RABGAP1L: variants seen among roughly 807,000 people sequenced by gnomAD.
The protein encoded by RABGAP1L is RAB GTPase activating protein 1 like, also known as rab GTPase-activating protein 1-like.
Under a neutral mutation model 137.7 loss-of-function variants are expected in RABGAP1L, and 63 were observed. The ratio of observed to expected loss-of-function variants is 0.46; its 90% CI spans 0.37 to 0.56. RABGAP1L has a LOEUF of 0.56. Ranked by LOEUF, RABGAP1L falls within the 20% of genes least tolerant of loss-of-function variation. RABGAP1L has a pLI of 0.00. For missense variants in RABGAP1L, 1,095 were observed against 1,244.0 expected, an observed-to-expected ratio of 0.88 and a Z score of 1.80; for synonymous variants, 431 against 433.7, an observed-to-expected ratio of 0.99 and a Z score of 0.08.
chr1:174,530,835 ATACG>A (rs10593203), intron 13 of RABGAP1L, among the ~76,000 whole-genome samples: 48,051 of 125,882 alleles, frequency 0.38, 8,119 homozygotes, highest in East Asian at 0.48. Flanking sequence ...ACATACATAC[ATACG>A]TACGTTTGTG....
intron 13 of RABGAP1L, among the ~76,000 whole-genome samples, chr1:174,493,698 G>A (rs1056142702): frequency 4.0e-5 from 6 of 151,518 alleles, no homozygotes; most frequent in Admixed American, 1.3e-4. Context: ...GTGTGCACCT[G>A]TAGTTTCAGC....
intron 13 of RABGAP1L, among the ~76,000 whole-genome samples, chr1:174,631,925 A>T: frequency 8.8e-6 from 1 of 113,060 alleles, no homozygotes; most frequent in African/African-American, 3.4e-5. Context: ...TGTGAATTTG[A>T]TCCTGTCATT....
intron 19 of RABGAP1L, among the ~76,000 whole-genome samples, chr1:174,937,863 AT>A (rs972303871): frequency 4.8e-5 from 7 of 144,832 alleles, no homozygotes; most frequent in South Asian, 2.3e-4. Context: ...AGCCCAGCTA[AT>A]TTTTTTTTCT....
At chr1:174,639,989 T>C (rs916119791) in intron 14 of RABGAP1L, among the ~76,000 whole-genome samples, 1 of 152,204 alleles carries the variant, frequency 6.6e-6, no homozygotes. Context: ...TGAGATACTT[T>C]ATTATCGAAA....
intron 13 of RABGAP1L, among the ~76,000 whole-genome samples, chr1:174,560,413 A>G (rs1667136032): frequency 6.6e-6 from 1 of 152,220 alleles, no homozygotes; most frequent in African/African-American, 2.4e-5. Context: ...AACTGTGAAT[A>G]GAAAAGAATA....
intron 13 of RABGAP1L, among the ~76,000 whole-genome samples, chr1:174,484,192 G>A (rs1004997303): frequency 9.2e-5 from 14 of 152,112 alleles, no homozygotes; most frequent in Non-Finnish European, 1.3e-4. Context: ...TGTGTCATTC[G>A]TATGTCATCT....
chr1:174,774,586 AAGAGAAAC>A (rs1296012508), intron 18 of RABGAP1L, among the ~76,000 whole-genome samples: 1 of 152,032 alleles, frequency 6.6e-6, no homozygotes, highest in Non-Finnish European at 1.5e-5. Flanking sequence ...GAGTGCATAA[AAGAGAAAC>A]CATAGGCAGG....
At chr1:174,586,028 A>G (rs947200256) in intron 13 of RABGAP1L, among the ~76,000 whole-genome samples, 1 of 152,228 alleles carries the variant, frequency 6.6e-6, no homozygotes, top group Admixed American at 6.5e-5. Context: ...TACTGGATGT[A>G]TACCCAAAGG....
chr1:174,482,180 T>C (rs987673642), intron 13 of RABGAP1L, among the ~76,000 whole-genome samples: 1 of 152,026 alleles, frequency 6.6e-6, no homozygotes, highest in African/African-American at 2.4e-5. Context: ...GAAAGGCAAA[T>C]AAAAGGCAAG....
chr1:174,269,913 C>T (rs1056122280), intron 7 of RABGAP1L, among the ~76,000 whole-genome samples: 13 of 152,134 alleles, frequency 8.5e-5, no homozygotes, highest in Non-Finnish European at 1.5e-4. Context: ...TTGAACTCCC[C>T]AGTGAAACAC....
At chr1:174,284,640 T>A (rs988443391) in intron 10 of RABGAP1L, among the ~76,000 whole-genome samples, 1 of 152,038 alleles carries the variant, frequency 6.6e-6, no homozygotes, top group Non-Finnish European at 1.5e-5. Flanking sequence ...TTTTGAGTAC[T>A]CTTTGTACTG....
chr1:174,417,587 T>C (rs1650750504), intron 13 of RABGAP1L, among the ~76,000 whole-genome samples: 1 of 152,326 alleles, frequency 6.6e-6, no homozygotes, highest in African/African-American at 2.4e-5. Context: ...TGGGTTTTAT[T>C]CAAGTTTTGT....
At chr1:174,317,144 G>C (rs1679450954) in intron 11 of RABGAP1L, among the ~76,000 whole-genome samples, 2 of 151,856 alleles carry the variant, frequency 1.3e-5, no homozygotes, top group Non-Finnish European at 2.9e-5. Context: ...CTTCCCTGTG[G>C]ACATGCTAGA....
intron 7 of RABGAP1L, among the ~76,000 whole-genome samples, chr1:174,270,268 A>G (rs539213931): frequency 1.3e-5 from 2 of 151,932 alleles, no homozygotes; most frequent in Admixed American, 1.3e-4. Flanking sequence ...GAGTATTGCT[A>G]CTTAAGAAAA....
At chr1:174,892,532 A>T in intron 19 of RABGAP1L, 1 of 516,998 alleles carries the variant, frequency 1.9e-6, no homozygotes, top group South Asian at 1.4e-5. Context: ...TCCAAGTTTC[A>T]ATAGTCTTAG....
chr1:174,921,227 C>T (rs1210001559), intron 19 of RABGAP1L, among the ~76,000 whole-genome samples: 1 of 152,156 alleles, frequency 6.6e-6, no homozygotes, highest in Non-Finnish European at 1.5e-5. Flanking sequence ...CCGGCCCAGT[C>T]TGTGGTACTT....
At chr1:174,825,043 AT>A (rs1370284559) in intron 19 of RABGAP1L, among the ~76,000 whole-genome samples, 1 of 152,170 alleles carries the variant, frequency 6.6e-6, no homozygotes, top group Non-Finnish European at 1.5e-5. Flanking sequence ...TGACTTGGGG[AT>A]TTTGTTACTT....
chr1:174,193,537 C>T (rs1667358952), intron 1 of RABGAP1L, among the ~76,000 whole-genome samples: 1 of 152,054 alleles, frequency 6.6e-6, no homozygotes, highest in Non-Finnish European at 1.5e-5. Context: ...CAGAAAAAAT[C>T]CCCAAAATAG....
intron 21 of RABGAP1L, among the ~76,000 whole-genome samples, chr1:174,971,961 C>T (rs1016100587): frequency 3.9e-5 from 6 of 152,184 alleles, no homozygotes; most frequent in Non-Finnish European, 5.9e-5. Context: ...TTACTCTGAC[C>T]ATTTTAGTGC....
Sources: gnomAD v4.1 joint callset for allele counts (sites outside exome capture counted in the v4.1 genomes callset) on GRCh38, gnomAD v4.1.1 for gene constraint, MANE v1.5 for transcripts, NCBI Gene and HGNC (gene_info 2026-07-23, HGNC 2026-07-21) for gene names.